Variants in ACBD6 observed in about 807,000 individuals in gnomAD.
ACBD6 encodes the protein acyl-CoA binding domain containing 6.
In ACBD6, 28 loss-of-function variants were observed where a neutral mutation model predicts 37.2. The ratio of observed to expected loss-of-function variants is 0.75; its 90% CI spans 0.56 to 1.03. ACBD6 has a LOEUF of 1.03. ACBD6 is among the 50% of genes least tolerant of loss of function. The pLI is 0.00. For synonymous variants in ACBD6, 113 were observed against 126.8 expected, an observed-to-expected ratio of 0.89 and a Z score of 0.73; for missense variants, 340 against 337.4, an observed-to-expected ratio of 1.01 and a Z score of -0.06.
At chr1:180,468,688 C>T (rs1260583863) in intron 3 of ACBD6, among the ~76,000 whole-genome samples, 1 of 152,140 alleles carries the variant, frequency 6.6e-6, no homozygotes, top group Admixed American at 6.5e-5. Context: ...CTGTTAATCT[C>T]GGTTCTGCCC....
At chr1:180,351,462 G>A (rs1199961548) in intron 6 of ACBD6, among the ~76,000 whole-genome samples, 3 of 151,786 alleles carry the variant, frequency 2.0e-5, no homozygotes, top group Non-Finnish European at 2.9e-5. Flanking sequence ...TTTTTTAGTA[G>A]AGACAGGGTT....
At chr1:180,326,179 AC>A (rs1473798804) in intron 6 of ACBD6, among the ~76,000 whole-genome samples, 2 of 152,018 alleles carry the variant, frequency 1.3e-5, no homozygotes, top group Non-Finnish European at 2.9e-5. Flanking sequence ...GGAGGAAAAA[AC>A]CTTAGAAATC....
At chr1:180,347,007 C>T (rs1055629906) in intron 6 of ACBD6, among the ~76,000 whole-genome samples, 1 of 144,294 alleles carries the variant, frequency 6.9e-6, no homozygotes, top group South Asian at 2.3e-4. Flanking sequence ...CAGAGTGAGA[C>T]CTTGTCTCAA....
intron 6 of ACBD6, among the ~76,000 whole-genome samples, chr1:180,389,050 A>T (rs533513334): frequency 6.6e-6 from 1 of 152,276 alleles, no homozygotes; most frequent in African/African-American, 2.4e-5. Flanking sequence ...CATGTGCACA[A>T]CGTGCAGGTT....
At chr1:180,430,113 A>G in intron 4 of ACBD6, 67 bp downstream of exon 4, 1 of 1,332,972 alleles carries the variant, frequency 7.5e-7, no homozygotes, top group South Asian at 1.2e-5. Flanking sequence ...ATAAGCACAT[A>G]CATACAAACA....
chr1:180,306,258 A>C (rs986642695), intron 7 of ACBD6, among the ~76,000 whole-genome samples: 12 of 152,156 alleles, frequency 7.9e-5, no homozygotes, highest in East Asian at 5.8e-4. Context: ...TAATAAAAAA[A>C]AAACAAACAA....
intron 6 of ACBD6, among the ~76,000 whole-genome samples, chr1:180,388,019 C>CA (rs71121016): frequency 0.49 from 73,486 of 151,302 alleles, 20,665 homozygotes; most frequent in South Asian, 0.66. Context: ...ACTAAAAATA[C>CA]AAAAAAATTA....
chr1:180,381,122 G>A (rs1338178260), intron 6 of ACBD6, among the ~76,000 whole-genome samples: 1 of 152,144 alleles, frequency 6.6e-6, no homozygotes, highest in Non-Finnish European at 1.5e-5. Flanking sequence ...AAGAGACAAT[G>A]AAGGTCATTA....
intron 3 of ACBD6, among the ~76,000 whole-genome samples, chr1:180,451,674 A>G (rs768705771): frequency 2.0e-5 from 3 of 152,248 alleles, no homozygotes; most frequent in African/African-American, 4.8e-5. Flanking sequence ...AGGCAAATCT[A>G]TAGAAACAAA....
chr1:180,274,711 C>T (rs1648922784), exon 10 of ACBD6: 1 of 1,111,378 alleles, frequency 9.0e-7, no homozygotes, highest in Non-Finnish European at 1.3e-6. Flanking sequence ...AAGTCCTCCG[C>T]TGATTCCTAG....
At chr1:180,324,385 T>C (rs1651179456) in intron 6 of ACBD6, among the ~76,000 whole-genome samples, 1 of 152,098 alleles carries the variant, frequency 6.6e-6, no homozygotes, top group Non-Finnish European at 1.5e-5. Context: ...ATATATGTTT[T>C]TTGATTTGAG....
intron 3 of ACBD6, among the ~76,000 whole-genome samples, chr1:180,444,723 T>TA (rs11375964): frequency 0.49 from 73,908 of 152,072 alleles, 20,781 homozygotes; most frequent in South Asian, 0.66. Flanking sequence ...AGCAATTAAA[T>TA]AGAGTCCAAT....
At chr1:180,310,411 G>A (rs1304684714) in intron 7 of ACBD6, among the ~76,000 whole-genome samples, 1 of 152,012 alleles carries the variant, frequency 6.6e-6, no homozygotes, top group Non-Finnish European at 1.5e-5. Context: ...ATAGACAGGG[G>A]CTTACAGATT....
chr1:180,490,961 T>TAAAAAAAAAA (rs67650274), intron 3 of ACBD6, among the ~76,000 whole-genome samples: 1 of 93,850 alleles, frequency 1.1e-5, no homozygotes, highest in Admixed American at 1.2e-4. Context: ...CTGTCTCATA[T>TAAAAAAAAAA]AAAAAAAAAA....
At chr1:180,404,818 T>C (rs992611325) in intron 5 of ACBD6, among the ~76,000 whole-genome samples, 3 of 152,138 alleles carry the variant, frequency 2.0e-5, no homozygotes, top group African/African-American at 7.2e-5. Context: ...AATGATACAT[T>C]TTATGTATAT....
chr1:180,349,268 T>C (rs1212783654), intron 6 of ACBD6, among the ~76,000 whole-genome samples: 2 of 448 alleles, frequency 4.5e-3, no homozygotes, highest in Non-Finnish European at 7.7e-3. Flanking sequence ...TTTTAATTTC[T>C]TTTTTTTTTT....
intron 3 of ACBD6, among the ~76,000 whole-genome samples, chr1:180,463,678 A>T (rs1373315237): frequency 1.3e-5 from 2 of 152,222 alleles, no homozygotes; most frequent in East Asian, 3.8e-4. Context: ...AAAAACTGAA[A>T]AGGAGGGAGT....
chr1:180,487,250 T>C (rs941712881), intron 3 of ACBD6, among the ~76,000 whole-genome samples: 3 of 152,224 alleles, frequency 2.0e-5, no homozygotes, highest in Admixed American at 6.5e-5. Context: ...AGTATACTTA[T>C]ACAGTAGCCC....
intron 6 of ACBD6, among the ~76,000 whole-genome samples, chr1:180,316,355 T>C (rs1254855755): frequency 1.4e-5 from 2 of 147,888 alleles, no homozygotes; most frequent in African/African-American, 2.5e-5. Flanking sequence ...CACACACACA[T>C]ACATGCAAAC....
Sources: gnomAD v4.1 joint callset for allele counts (sites outside exome capture counted in the v4.1 genomes callset) on GRCh38, gnomAD v4.1.1 for gene constraint, MANE v1.5 for transcripts, NCBI Gene and HGNC (gene_info 2026-07-23, HGNC 2026-07-21) for gene names.